BICC1: variants seen among roughly 807,000 people sequenced by gnomAD.
The protein encoded by BICC1 is BicC family RNA binding protein 1.
Under a neutral mutation model 111.0 loss-of-function variants are expected in BICC1, and 43 were observed. The observed-to-expected ratio is 0.39, with a 90% confidence interval of 0.30 to 0.50. The LOEUF (loss-of-function observed/expected upper bound fraction) is 0.50. Ranked by LOEUF, BICC1 falls within the 20% of genes least tolerant of loss-of-function variation. The pLI, the probability that BICC1 is intolerant of heterozygous loss-of-function variation, is 0.88. For missense variants in BICC1, 1,091 were observed against 1,203.2 expected, an observed-to-expected ratio of 0.91 and a Z score of 1.38; for synonymous variants, 467 against 434.4, an observed-to-expected ratio of 1.07 and a Z score of -0.93.
chr10:58,627,479 A>T (rs1466178305), intron 2 of BICC1, among the ~76,000 whole-genome samples: 1 of 152,216 alleles, frequency 6.6e-6, no homozygotes, highest in Admixed American at 6.5e-5. Flanking sequence ...CCTTAATCGA[A>T]AGATCTTGAG....
chr10:58,523,505 G>A (rs1408985163), intron 1 of BICC1, among the ~76,000 whole-genome samples: 1 of 151,996 alleles, frequency 6.6e-6, no homozygotes, highest in Non-Finnish European at 1.5e-5. Context: ...ATTCAACAAA[G>A]CTTCATGCTA....
rs776293104 is a variant in BICC1 at position 58,820,455 on chromosome 10, G to C, written c.2781G>C (p.Leu927=). 1.6e-5 allele frequency: 26 copies of C among 1,605,468 alleles called. 1 individual carries two copies. Among genetic ancestry groups the C allele is most frequent in the East Asian group, 1.3e-4 (6 of 44,788 alleles). Residue 927 remains leucine (L), a synonymous_variant, in exon 20 of 21, where the codon CTG becomes CTC. Coordinates refer to ENST00000373886, the MANE Select transcript of BICC1 (RefSeq NM_001080512.3). The part of the protein sequence containing the change: ...ITTFGARRKM[L]LAISELNKNR... ...CTTTTGGTGCCAGGAGGAAAATGCT[G>C]CTTGCAATTTCAGGTGAATATAAAT...
At chr10:58,664,566 A>T (rs7902410) in intron 2 of BICC1, among the ~76,000 whole-genome samples, 1 of 152,242 alleles carries the variant, frequency 6.6e-6, no homozygotes, top group Admixed American at 6.5e-5. Flanking sequence ...ACACATTGAT[A>T]ATATTTTTCA....
intron 2 of BICC1, among the ~76,000 whole-genome samples, chr10:58,645,033 C>A (rs1838224627): frequency 6.6e-6 from 1 of 152,028 alleles, no homozygotes; most frequent in African/African-American, 2.4e-5. Context: ...AGAAAGAACT[C>A]CCCGCCCCAC....
chr10:58,524,934 T>A (rs1311460553), intron 1 of BICC1, among the ~76,000 whole-genome samples: 1 of 152,082 alleles, frequency 6.6e-6, no homozygotes, highest in Non-Finnish European at 1.5e-5. Flanking sequence ...AAGAAGACAC[T>A]TTTGCAGCCA....
At position 58,768,064 on chromosome 10, in the gene BICC1, G is replaced by A. The variant is rs567819374; in HGVS notation, c.308-16937G>A. 2.0e-5 allele frequency among the ~76,000 whole-genome samples: 3 copies of A among 152,208 alleles called. No individual in the cohort carries two copies. In the South Asian group the frequency reaches 6.2e-4, roughly 32 times the overall value. ...AATGGCTGAAAACTTCCCATATCATGGGAAAGATATGGACATCCAGGTTAT... is the reference window on the plus strand; with the variant it reads ...AATGGCTGAAAACTTCCCATATCATAGGAAAGATATGGACATCCAGGTTAT... On this transcript the variant is annotated intron_variant, in intron 3 of 20. Transcript: ENST00000373886.
intron 18 of BICC1, among the ~76,000 whole-genome samples, chr10:58,816,789 G>A (rs940442230): frequency 5.4e-5 from 8 of 146,890 alleles, no homozygotes; most frequent in Non-Finnish European, 1.2e-4. Context: ...GTGTGTGTGT[G>A]TGTGTGACTT....
At chr10:58,764,490 G>C (rs1157084071) in intron 3 of BICC1, among the ~76,000 whole-genome samples, 1 of 152,120 alleles carries the variant, frequency 6.6e-6, no homozygotes, top group Non-Finnish European at 1.5e-5. Context: ...GTGTAAGGCA[G>C]TAAAAGTATA....
At chr10:58,584,055 A>AAC (rs140080926) in intron 1 of BICC1, among the ~76,000 whole-genome samples, 2,234 of 147,884 alleles carry the variant, frequency 0.015, 20 homozygotes, top group African/African-American at 0.03. Context: ...GTAAACATGA[A>AAC]ACACACACAC....
intron 2 of BICC1, among the ~76,000 whole-genome samples, chr10:58,678,327 T>G (rs11523359): frequency 0.98 from 149,430 of 152,304 alleles, 73,381 homozygotes; most frequent in Middle Eastern, 1. Context: ...ACACACATAG[T>G]CTCAAAATAA....
chr10:58,513,395 C>A lies in BICC1; in HGVS notation c.190+62C>A, dbSNP rs7079648. On this transcript the variant is annotated intron_variant, in intron 1 of 20. Coordinates refer to ENST00000373886, the MANE Select transcript of BICC1 (RefSeq NM_001080512.3). ...GCCTCTAACTCCTTTTCGGACATCC[C>A]CACCGCGCGCTCCGGCGCCCGCTAC... 0.48 allele frequency: 688,326 copies of A among 1,438,154 alleles called. 166,943 individuals carry two copies. The highest frequency in any genetic ancestry group is 0.61 in the African/African-American group (42,006 of 68,520). The allele number at this position is 1,438,154 out of a possible 1,614,324, so 89.1% of individuals were successfully genotyped here. A position where few individuals can be genotyped will look rare whatever the true frequency, so the allele number is the denominator to read the frequency against.
intron 2 of BICC1, among the ~76,000 whole-genome samples, chr10:58,697,489 AACTC>A (rs1303289903): frequency 1.3e-5 from 2 of 152,194 alleles, no homozygotes; most frequent in Non-Finnish European, 2.9e-5. Context: ...AACTAGTTGA[AACTC>A]ACTGTGGAGT....
chr10:58,694,397 C>T (rs1840009323), intron 2 of BICC1, among the ~76,000 whole-genome samples: 1 of 152,070 alleles, frequency 6.6e-6, no homozygotes, highest in African/African-American at 2.4e-5. Flanking sequence ...CCAGATGAGA[C>T]CTGTTATTTA....
rs1844127240 is a variant in BICC1 at position 58,817,437 on chromosome 10, C to G, written c.2534-125C>G. The G allele has an allele frequency of 3.0e-6, 3 of 1,012,558 alleles. No individual in the cohort carries two copies. In the African/African-American group the frequency reaches 4.8e-5, roughly 16 times the overall value. 62.7% of individuals were successfully genotyped at this position (1,012,558 alleles called of 1,614,324 possible). A position where few individuals can be genotyped will look rare whatever the true frequency, so the allele number is the denominator to read the frequency against. ...ATTTCAGTAAAGGATTGCTGTATTT[C>G]TACAGCTACTGCCCTATTCAGCTGA... On this transcript the variant is annotated intron_variant, in intron 18 of 20. Coordinates refer to ENST00000373886, the MANE Select transcript of BICC1 (RefSeq NM_001080512.3).
intron 1 of BICC1, among the ~76,000 whole-genome samples, chr10:58,527,072 C>T (rs1842563237): frequency 6.6e-6 from 1 of 152,224 alleles, no homozygotes; most frequent in Admixed American, 6.5e-5. Context: ...TATTTCTCCA[C>T]ATCCTCCCCA....
chr10:58,538,120 A>T (rs572044810), intron 1 of BICC1, among the ~76,000 whole-genome samples: 1 of 151,930 alleles, frequency 6.6e-6, no homozygotes, highest in Non-Finnish European at 1.5e-5. Context: ...TAGAAAAAAA[A>T]TCATAAAATT....
In BICC1 at chr10:58,567,151, T is replaced by G. The variant is rs1171419912; in HGVS notation, c.191-53704T>G. 2.0e-5 allele frequency among the ~76,000 whole-genome samples: 3 copies of G among 152,152 alleles called. No individual in the cohort carries two copies. In the East Asian group the frequency reaches 5.8e-4, roughly 29 times the overall value. ...CATGTCTCTTGTGCCTTAGGAAAGG[T>G]GGGGAAAAAGTGTTTTAAAATGTCA... On this transcript the variant is annotated intron_variant, in intron 1 of 20. Coordinates refer to ENST00000373886, the MANE Select transcript of BICC1 (RefSeq NM_001080512.3).
chr10:58,570,473 G>A (rs1230615526), intron 1 of BICC1, among the ~76,000 whole-genome samples: 1 of 152,164 alleles, frequency 6.6e-6, no homozygotes, highest in Non-Finnish European at 1.5e-5. Context: ...GGCTGGAGGC[G>A]GTGGCAGGAG....
At chr10:58,512,258 T>C (rs1842104124), upstream of BICC1, among the ~76,000 whole-genome samples, 1 of 152,270 alleles carries the variant, frequency 6.6e-6, no homozygotes, top group South Asian at 2.1e-4. Context: ...ACGAGGTGTC[T>C]GGGTTTGAGC....
Sources: allele counts gnomAD v4.1 joint callset (sites outside exome capture counted in the v4.1 genomes callset), GRCh38; gene constraint gnomAD v4.1.1; transcripts MANE v1.5; gene names NCBI Gene and HGNC (gene_info 2026-07-23, HGNC 2026-07-21).